Variants in SHISA6 observed in about 807,000 individuals in gnomAD.
SHISA6 encodes the protein protein shisa-6.
A neutral mutation model predicts 47.9 loss-of-function variants in SHISA6; 22 were observed. The ratio of observed to expected loss-of-function variants is 0.46; its 90% CI spans 0.33 to 0.66. The LOEUF (loss-of-function observed/expected upper bound fraction) is 0.66. SHISA6 is among the 30% of genes least tolerant of loss of function. The probability of loss-of-function intolerance (pLI) is 0.02; values close to 1 mark genes in which losing one functional copy is unlikely to be tolerated. For synonymous variants in SHISA6, 388 were observed against 337.8 expected (o/e 1.15, Z -1.63); for missense variants, 680 against 764.6 (o/e 0.89, Z 1.30).
At chr17:11,409,168 A>G (rs1034275229) in intron 3 of SHISA6, among the ~76,000 whole-genome samples, 1 of 152,224 alleles carries the variant, frequency 6.6e-6, no homozygotes, top group Non-Finnish European at 1.5e-5. Context: ...AAATAACCTT[A>G]GCTTTTCTTT....
At chr17:11,547,312 T>G (rs960733746) in intron 3 of SHISA6, among the ~76,000 whole-genome samples, 10 of 152,222 alleles carry the variant, frequency 6.6e-5, no homozygotes, top group African/African-American at 2.4e-4. Context: ...GATTGTATAT[T>G]AGTCCACAAA....
intron 2 of SHISA6, among the ~76,000 whole-genome samples, chr17:11,266,017 G>T (rs1270302703): frequency 6.6e-6 from 1 of 152,184 alleles, no homozygotes; most frequent in Non-Finnish European, 1.5e-5. Flanking sequence ...AGCATTCTCA[G>T]TTGTGATGCT....
At chr17:11,265,087 A>G (rs1309109373) in intron 2 of SHISA6, among the ~76,000 whole-genome samples, 3 of 152,228 alleles carry the variant, frequency 2.0e-5, no homozygotes, top group Non-Finnish European at 4.4e-5. Context: ...CTTCTGGACC[A>G]GTGGTCATCT....
chr17:11,309,163 C>T (rs1024668185), intron 2 of SHISA6, among the ~76,000 whole-genome samples: 7 of 152,114 alleles, frequency 4.6e-5, no homozygotes, highest in Non-Finnish European at 8.8e-5. Context: ...TGGGGTCTTG[C>T]TATGCTGCCC....
At chr17:11,427,341 T>C (rs1914636104) in intron 3 of SHISA6, among the ~76,000 whole-genome samples, 1 of 152,090 alleles carries the variant, frequency 6.6e-6, no homozygotes, top group South Asian at 2.1e-4. Context: ...CACCATGTTG[T>C]CCAGGCTGGT....
intron 3 of SHISA6, among the ~76,000 whole-genome samples, chr17:11,407,526 A>G (rs547435775): frequency 6.6e-6 from 1 of 151,976 alleles, no homozygotes; most frequent in Non-Finnish European, 1.5e-5. Context: ...TCTTAAATAT[A>G]CACACATAGA....
intron 3 of SHISA6, among the ~76,000 whole-genome samples, chr17:11,495,173 C>T (rs1051994947): frequency 2.6e-5 from 4 of 152,170 alleles, no homozygotes; most frequent in Non-Finnish European, 5.9e-5. Flanking sequence ...TTGCCCACTG[C>T]CAACTCTTTG....
intron 3 of SHISA6, among the ~76,000 whole-genome samples, chr17:11,476,375 C>T (rs1468646735): frequency 1.3e-5 from 2 of 151,904 alleles, no homozygotes; most frequent in African/African-American, 4.8e-5. Context: ...AGGTGGAAAC[C>T]TAGATTACTG....
At chr17:11,292,686 C>T (rs776653145) in intron 2 of SHISA6, among the ~76,000 whole-genome samples, 5 of 151,760 alleles carry the variant, frequency 3.3e-5, no homozygotes, top group African/African-American at 7.3e-5. Flanking sequence ...CCAGTGGTGG[C>T]GGGCAGGGGG....
At chr17:11,281,555 A>C (rs1044928423) in intron 2 of SHISA6, among the ~76,000 whole-genome samples, 3 of 152,130 alleles carry the variant, frequency 2.0e-5, no homozygotes, top group Non-Finnish European at 4.4e-5. Context: ...TTATTTGCTA[A>C]AATTTTGTTA....
At chr17:11,512,021 G>A (rs572759370) in intron 3 of SHISA6, among the ~76,000 whole-genome samples, 5 of 152,204 alleles carry the variant, frequency 3.3e-5, no homozygotes, top group Non-Finnish European at 7.3e-5. Flanking sequence ...TCACCACTGT[G>A]ACCCTTAGTT....
At chr17:11,389,116 A>ACAAGATC (rs2142254068) in intron 3 of SHISA6, among the ~76,000 whole-genome samples, 1 of 152,166 alleles carries the variant, frequency 6.6e-6, no homozygotes, top group African/African-American at 2.4e-5. Flanking sequence ...CAAGCATGGG[A>ACAAGATC]CAAGTTCCTG....
chr17:11,262,508 TAGG>T (rs1346704928), intron 1 of SHISA6, among the ~76,000 whole-genome samples: 1 of 152,202 alleles, frequency 6.6e-6, no homozygotes, highest in Non-Finnish European at 1.5e-5. Flanking sequence ...TGAAAGCAAA[TAGG>T]AGAGCGATTC....
chr17:11,514,510 C>T (rs1454701473), intron 3 of SHISA6, among the ~76,000 whole-genome samples: 1 of 152,206 alleles, frequency 6.6e-6, no homozygotes, highest in Non-Finnish European at 1.5e-5. Flanking sequence ...GTAACTGCAG[C>T]AGACCTCTCT....
At chr17:11,345,339 T>G (rs933775221) in intron 2 of SHISA6, among the ~76,000 whole-genome samples, 2 of 152,132 alleles carry the variant, frequency 1.3e-5, no homozygotes, top group Non-Finnish European at 2.9e-5. Flanking sequence ...CATACGATAA[T>G]TCTACTTTTA....
intron 1 of SHISA6, among the ~76,000 whole-genome samples, chr17:11,253,294 A>C (rs899637226): frequency 7.3e-6 from 1 of 136,530 alleles, no homozygotes; most frequent in Non-Finnish European, 1.6e-5. Context: ...AATTTATCCA[A>C]ATTGGACCTG....
At chr17:11,290,029 T>G (rs376092109) in intron 2 of SHISA6, 1 of 152,324 alleles carries the variant, frequency 6.6e-6, no homozygotes, top group East Asian at 1.9e-4. Context: ...TACTGGTGTG[T>G]TCTAAATATC....
chr17:11,527,700 C>A (rs189728901), intron 3 of SHISA6, among the ~76,000 whole-genome samples: 88 of 152,274 alleles, frequency 5.8e-4, no homozygotes, highest in African/African-American at 2.0e-3. Flanking sequence ...AGTTTCACTT[C>A]ACTCGTATAT....
intron 3 of SHISA6, among the ~76,000 whole-genome samples, chr17:11,486,541 A>T (rs898132234): frequency 6.6e-6 from 1 of 152,216 alleles, no homozygotes; most frequent in African/African-American, 2.4e-5. Context: ...AGGCCACAGA[A>T]TGACGCAACC....
Sources: allele counts gnomAD v4.1 joint callset (sites outside exome capture counted in the v4.1 genomes callset), GRCh38; gene constraint gnomAD v4.1.1; transcripts MANE v1.5; gene names NCBI Gene and HGNC (gene_info 2026-07-23, HGNC 2026-07-21).